The following NCKAP5 variants were observed in gnomAD, a reference collection of about 807,000 sequenced individuals.
The protein encoded by NCKAP5 is NCK associated protein 5.
NCKAP5 carries 92 observed loss-of-function variants against 167.0 expected under a neutral mutation model. The observed-to-expected ratio is 0.55, with a 90% CI of 0.47 to 0.66. The LOEUF (loss-of-function observed/expected upper bound fraction) is 0.66, where lower values mean the gene tolerates loss of function less well. NCKAP5 is among the 30% of genes least tolerant of loss of function. The pLI is 0.00. For synonymous variants in NCKAP5, 891 were observed against 877.4 expected (o/e 1.02, Z -0.27); for missense variants, 2,378 against 2,315.0 (o/e 1.03, Z -0.56).
At chr2:132,706,966 G>A (rs1688416077) in intron 19 of NCKAP5, among the ~76,000 whole-genome samples, 1 of 152,200 alleles carries the variant, frequency 6.6e-6, no homozygotes, top group African/African-American at 2.4e-5. Flanking sequence ...GAAGCAAGAT[G>A]GATGAATAGA....
At chr2:133,622,431 G>C in the NCKAP5 span, among the ~76,000 whole-genome samples, 2 of 152,096 alleles carry the variant, frequency 1.3e-5, no homozygotes, top group African/African-American at 2.4e-5. Context: ...AATGAATTCA[G>C]CAAAGTTTCA....
chr2:133,264,402 T>C (rs1046898316), intron 4 of NCKAP5, among the ~76,000 whole-genome samples: 5 of 152,234 alleles, frequency 3.3e-5, no homozygotes, highest in African/African-American at 1.2e-4. Context: ...TGTAGTGTGC[T>C]GTTATCACAT....
intron 5 of NCKAP5, among the ~76,000 whole-genome samples, chr2:133,154,558 C>T (rs1039343047): frequency 3.9e-5 from 6 of 152,212 alleles, no homozygotes; most frequent in African/African-American, 1.4e-4. Context: ...ATTTGACATG[C>T]TGCTTCTATA....
At chr2:133,449,606 C>A (rs751915571) in intron 3 of NCKAP5, among the ~76,000 whole-genome samples, 1 of 152,096 alleles carries the variant, frequency 6.6e-6, no homozygotes, top group East Asian at 1.9e-4. Flanking sequence ...TAAGGCGTGA[C>A]GGTTCCTTTT....
chr2:133,647,923 C>G, the NCKAP5 span, among the ~76,000 whole-genome samples: 1 of 152,060 alleles, frequency 6.6e-6, no homozygotes, highest in African/African-American at 2.4e-5. Flanking sequence ...GGATTAGACA[C>G]CCCAATCAAA....
At chr2:133,477,809 C>A (rs1005708638) in intron 3 of NCKAP5, among the ~76,000 whole-genome samples, 1 of 152,092 alleles carries the variant, frequency 6.6e-6, no homozygotes, top group Admixed American at 6.6e-5. Context: ...TGTGGACCTG[C>A]TGGATGAAGG....
chr2:132,891,066 C>T (rs760847464), intron 8 of NCKAP5, among the ~76,000 whole-genome samples: 22 of 152,092 alleles, frequency 1.4e-4, no homozygotes, highest in African/African-American at 4.8e-4. Flanking sequence ...GGAGCTACGC[C>T]GTGAGAAGAT....
At chr2:133,611,508 G>A in the NCKAP5 span, among the ~76,000 whole-genome samples, 1 of 152,146 alleles carries the variant, frequency 6.6e-6, no homozygotes, top group African/African-American at 2.4e-5. Flanking sequence ...TATTTGCTTG[G>A]CTATCAGTAA....
At chr2:133,348,092 G>A (rs77796940) in intron 3 of NCKAP5, among the ~76,000 whole-genome samples, 2 of 152,070 alleles carry the variant, frequency 1.3e-5, no homozygotes, top group East Asian at 3.9e-4. Context: ...CTACCTATGA[G>A]GATCCCTGTT....
At chr2:133,042,915 T>A (rs949346147) in intron 6 of NCKAP5, among the ~76,000 whole-genome samples, 11 of 152,204 alleles carry the variant, frequency 7.2e-5, no homozygotes, top group African/African-American at 2.7e-4. Flanking sequence ...TATATGATTA[T>A]CAAATATGTC....
intron 12 of NCKAP5, among the ~76,000 whole-genome samples, chr2:132,793,716 G>A (rs1684256968): frequency 6.6e-6 from 1 of 152,182 alleles, no homozygotes; most frequent in Admixed American, 6.5e-5. Flanking sequence ...CTGCCAGCAG[G>A]CACGTAAGTT....
chr2:133,266,788 G>C (rs2089254700), intron 4 of NCKAP5, among the ~76,000 whole-genome samples: 1 of 152,162 alleles, frequency 6.6e-6, no homozygotes, highest in Non-Finnish European at 1.5e-5. Context: ...GCCGCGGGAC[G>C]TTTCACTGGC....
chr2:132,943,677 G>A (rs886113458), intron 8 of NCKAP5, among the ~76,000 whole-genome samples: 6 of 152,196 alleles, frequency 3.9e-5, no homozygotes, highest in Admixed American at 3.3e-4. Context: ...CAGACTCAGA[G>A]CAGGGTGGAC....
chr2:133,651,740 G>A, the NCKAP5 span, among the ~76,000 whole-genome samples: 9 of 152,210 alleles, frequency 5.9e-5, no homozygotes, highest in East Asian at 1.7e-3. Context: ...TAGGCAAGAT[G>A]TAGAAGCAAC....
intron 4 of NCKAP5, among the ~76,000 whole-genome samples, chr2:133,224,247 T>C (rs4954046): frequency 0.51 from 78,244 of 152,028 alleles, 20,628 homozygotes; most frequent in African/African-American, 0.61. Context: ...ATTTATCTCC[T>C]TAGTGGGAGG....
chr2:133,102,589 C>T (rs143437750), intron 6 of NCKAP5, among the ~76,000 whole-genome samples: 8 of 152,248 alleles, frequency 5.3e-5, no homozygotes, highest in East Asian at 3.9e-4. Flanking sequence ...AAGATCATTC[C>T]GCTCTCTCTT....
At chr2:132,755,938 TCAAA>T (rs924171453) in intron 16 of NCKAP5, among the ~76,000 whole-genome samples, 4 of 151,792 alleles carry the variant, frequency 2.6e-5, no homozygotes, top group African/African-American at 9.7e-5. Context: ...TGGAATGGTA[TCAAA>T]CACTCAGATG....
At chr2:133,654,179 C>T in the NCKAP5 span, among the ~76,000 whole-genome samples, 18 of 151,856 alleles carry the variant, frequency 1.2e-4, no homozygotes, top group Admixed American at 6.6e-4. Context: ...GTCAGGAGTT[C>T]GAGACCAGCC....
intron 10 of NCKAP5, among the ~76,000 whole-genome samples, chr2:132,862,829 AT>A (rs950330753): frequency 1.3e-5 from 2 of 150,234 alleles, no homozygotes; most frequent in Admixed American, 6.6e-5. Context: ...ATTTTATTTT[AT>A]TTTATTTTGA....
Sources: allele counts gnomAD v4.1 joint callset (sites outside exome capture counted in the v4.1 genomes callset), GRCh38; gene constraint gnomAD v4.1.1; transcripts MANE v1.5; gene names NCBI Gene and HGNC (gene_info 2026-07-23, HGNC 2026-07-21).